Variants in AHNAK observed in about 807,000 individuals in gnomAD.
AHNAK encodes neuroblast differentiation-associated protein AHNAK.
AHNAK carries 23 observed loss-of-function variants against 37.8 expected under a neutral mutation model. The ratio of observed to expected loss-of-function variants is 0.61; its 90% CI spans 0.44 to 0.86. The LOEUF (loss-of-function observed/expected upper bound fraction) is 0.86, where lower values mean the gene tolerates loss of function less well. Ranked by LOEUF, AHNAK falls within the 40% of genes least tolerant of loss-of-function variation. The pLI is 0.00. For synonymous variants in AHNAK, 2,481 were observed against 2,636.3 expected, an observed-to-expected ratio of 0.94 and a Z score of 1.80; for missense variants, 7,411 against 7,319.4, an observed-to-expected ratio of 1.01 and a Z score of -0.46.
chr11:62,528,189 A>T lies in AHNAK; in HGVS notation c.6228T>A (p.Asp2076Glu). The change falls in exon 5 of 5, where the codon GAT becomes GAA. Residue 2076 changes from aspartate to glutamate, a missense_variant. Physicochemically the swap from Asp to Glu is conservative, Grantham distance 45 (BLOSUM62 2). Transcript: ENST00000378024. ...CCACCTTGGGTCCTGAGACAACAAC[A>T]TCAGCCTTGGGCAAGTTCACATCCA... ...PEVDVNLPKA[D>E]VVVSGPKVDV... The T allele has an allele frequency of 6.2e-7, 1 of 1,613,690 alleles. No individual in the cohort carries two copies. Among genetic ancestry groups the T allele is most frequent in the Non-Finnish European group, 8.5e-7 (1 of 1,179,908 alleles).
chr11:62,463,682 G>A (rs1049826179), intron 5 of AHNAK, among the ~76,000 whole-genome samples: 6 of 152,054 alleles, frequency 3.9e-5, no homozygotes, highest in African/African-American at 1.4e-4. Flanking sequence ...GGGTTCCTGG[G>A]GTATGGAACT....
In AHNAK at chr11:62,521,181, AC is replaced by A; in HGVS notation, c.13235del (p.Gly4412ValfsTer10). On this transcript the variant is annotated frameshift_variant, in exon 5 of 5. Transcript: ENST00000378024. LOFTEE classifies it low-confidence loss of function (END_TRUNC). ...DVDVSLPKVE[G>X]DLKGPEIDIK... ...TGTCAATTTCAGGGCCCTTGAGATC[AC>A]CTTCCACTTTGGGCAGAGAGACATC... 6.2e-7 allele frequency: 1 copy of A among 1,613,830 alleles called. No homozygotes were observed. The highest frequency in any genetic ancestry group is 2.2e-5 in the East Asian group (1 of 44,856).
At position 62,523,895 on chromosome 11, in the gene AHNAK, G is replaced by C; in HGVS notation, c.10522C>G (p.Pro3508Ala). ...TCTGGGCCCTCAATGTTCATACTTG[G>C]GCCCTCTATGTTGATGTCTCCTTTT... Reference protein sequence around the residue: ...LPKGDINIEGPSMNIEGPDLN... With the variant: ...LPKGDINIEGASMNIEGPDLN... Residue 3508 changes from proline to alanine, a missense_variant, in exon 5 of 5, where the codon CCA (proline) becomes GCA (alanine). Transcript: ENST00000378024. 6.2e-7 allele frequency: 1 copy of C among 1,614,002 alleles called. No individual in the cohort carries two copies. Among genetic ancestry groups the C allele is most frequent in the Non-Finnish European group, 8.5e-7 (1 of 1,180,002 alleles).
Position 62,530,630 on chromosome 11 carries a change from T to G in AHNAK, c.3787A>C (p.Ser1263Arg). 1 of 1,613,564 alleles carries G rather than the reference T, an allele frequency of 6.2e-7. No homozygotes were observed. Among genetic ancestry groups the G allele is most frequent in the Non-Finnish European group, 8.5e-7 (1 of 1,179,916 alleles). The change falls in exon 5 of 5, where the codon AGC becomes CGC. Residue 1263 changes from serine to arginine, a missense_variant. Ser to Arg is a moderately radical substitution (Grantham distance 110, BLOSUM62 -1). Transcript: ENST00000378024. ...KMPKMKMPKFSMPGFKGEGRE... is the reference protein window; with the variant it reads ...KMPKMKMPKFRMPGFKGEGRE... ...CCCTCTCCTTTGAAGCCAGGCATGC[T>G]AAACTTGGGCATTTTCATCTTGGGC...
At chr11:62,544,689 G>A (rs746633971) in intron 1 of AHNAK, among the ~76,000 whole-genome samples, 1 of 151,912 alleles carries the variant, frequency 6.6e-6, no homozygotes, top group Non-Finnish European at 1.5e-5. Flanking sequence ...GGGTGACCCC[G>A]CTGTCCCTAA....
chr11:62,515,431 C>T (rs184294436), downstream of AHNAK, among the ~76,000 whole-genome samples: 2 of 152,184 alleles, frequency 1.3e-5, no homozygotes, highest in Non-Finnish European at 2.9e-5. Flanking sequence ...GCAGGAAAAT[C>T]GCTTGAACCC....
rs912299139 is a variant in AHNAK, at chr11:62,526,699, T to A, written c.7718A>T (p.Asn2573Ile). 3.7e-6 allele frequency: 6 copies of A among 1,612,950 alleles called. No individual in the cohort carries two copies. Among genetic ancestry groups the A allele is most frequent in the Non-Finnish European group, 5.1e-6 (6 of 1,179,778 alleles). Residue 2573 changes from asparagine (N) to isoleucine (I), a missense_variant, in exon 5 of 5, where the codon AAC (asparagine) becomes ATC (isoleucine). Coordinates refer to ENST00000378024, the MANE Select transcript of AHNAK (RefSeq NM_001620.3). The part of the protein sequence containing the change: ...KGPKLKMPEM[N>I]IKAPKISMPD... ...CATGGAGATCTTGGGGGCTTTGATG[T>A]TCATCTCTGGCATCTTTAACTTAGG...
intron 5 of AHNAK, among the ~76,000 whole-genome samples, chr11:62,452,759 C>T (rs1345787672): frequency 6.6e-6 from 1 of 152,038 alleles, no homozygotes; most frequent in Admixed American, 6.6e-5. Context: ...CGGTGGCTTA[C>T]CGCACCTGTA....
chr11:62,544,971 G>C (rs949162412), intron 1 of AHNAK, among the ~76,000 whole-genome samples: 1 of 152,198 alleles, frequency 6.6e-6, no homozygotes, highest in Non-Finnish European at 1.5e-5. Flanking sequence ...CCTGCAATCC[G>C]AGGTTGGATT....
chr11:62,528,075 G>A lies in AHNAK; in HGVS notation c.6342C>T (p.Ala2114=), dbSNP rs747059963. 6 of 1,613,116 alleles carry A rather than the reference G, an allele frequency of 3.7e-6. No individual in the cohort carries two copies. Among genetic ancestry groups the A allele is most frequent in the Middle Eastern group, 1.7e-4 (1 of 6,058 alleles). ...CCACATCAGGCATGGAGATCTTGGG[G>A]GCCTTGAAGTGCATCTCAGGCATCT... ...KLKMPEMHFK[A]PKISMPDVDL... The change falls in exon 5 of 5, where the codon GCC becomes GCT. Residue 2114 remains alanine (A), a synonymous_variant. Coordinates refer to ENST00000378024, the MANE Select transcript of AHNAK (RefSeq NM_001620.3).
rs369154182 is a variant in AHNAK at position 62,523,963 on chromosome 11, G to A, written c.10454C>T (p.Ser3485Phe). Residue 3485 changes from serine (S) to phenylalanine (F), a missense_variant, in exon 5 of 5, where the codon TCT becomes TTT. Ser to Phe is a radical substitution (Grantham distance 155). Transcript: ENST00000378024. ...PKMKMPKFSV[S>F]GLKAEGPDVA... is the part of the protein sequence containing the mutation. The stretch of plus-strand genomic sequence containing the variant: ...ATCTGGCCCTTCTGCTTTTAAGCCA[G>A]ACACACTGAATTTGGGCATTTTCAT... 5 of 1,613,922 alleles carry A rather than the reference G, an allele frequency of 3.1e-6. No individual in the cohort carries two copies. In the East Asian group the frequency reaches 8.9e-5, roughly 29 times the overall value.
intron 4 of AHNAK, among the ~76,000 whole-genome samples, chr11:62,492,953 C>T (rs1335462560): frequency 2.0e-5 from 3 of 147,592 alleles, no homozygotes; most frequent in Admixed American, 1.3e-4. Flanking sequence ...TCGGGACCTT[C>T]AGTTTCAAAC....
At chr11:62,536,154 G>C in intron 2 of AHNAK, 56 bp from the exon 3 acceptor site, 3 of 1,493,660 alleles carry the variant, frequency 2.0e-6, no homozygotes, top group Non-Finnish European at 2.7e-6. Flanking sequence ...GGACATGAGG[G>C]CATGGGAAAG....
chr11:62,542,919 G>A (rs966742962), intron 1 of AHNAK, among the ~76,000 whole-genome samples: 13 of 152,274 alleles, frequency 8.5e-5, no homozygotes, highest in Admixed American at 5.2e-4. Flanking sequence ...ATCTGGGGAG[G>A]GCGCTGCTTG....
intron 5 of AHNAK, among the ~76,000 whole-genome samples, chr11:62,474,885 T>TCTGGCAACAGGTAGGGAGGATC (rs1393810605): frequency 1.3e-5 from 2 of 152,110 alleles, no homozygotes; most frequent in African/African-American, 4.8e-5. Context: ...GAAAGGAACA[T>TCTGGCAACAGGTAGGGAGGATC]CTGGCAACAG....
intron 5 of AHNAK, among the ~76,000 whole-genome samples, chr11:62,486,735 A>G (rs2428541): frequency 0.96 from 146,167 of 152,154 alleles, 70,414 homozygotes; most frequent in Admixed American, 0.98. Flanking sequence ...GGTCAATTTT[A>G]TGTTATGTCT....
chr11:62,479,680 A>G (rs1939226048), intron 5 of AHNAK, among the ~76,000 whole-genome samples: 1 of 152,028 alleles, frequency 6.6e-6, no homozygotes, highest in Admixed American at 6.6e-5. Context: ...CCATACAAGC[A>G]GCAGGTCTCC....
chr11:62,453,442 C>T (rs1483765009), intron 5 of AHNAK, among the ~76,000 whole-genome samples: 2 of 152,102 alleles, frequency 1.3e-5, no homozygotes, highest in Non-Finnish European at 2.9e-5. Flanking sequence ...TTATTGGGTA[C>T]TTACTGTGTG....
In AHNAK at chr11:62,525,753, T is replaced by C. The variant is rs1434719426; in HGVS notation, c.8664A>G (p.Pro2888=). 7 of 1,613,640 alleles carry C rather than the reference T, an allele frequency of 4.3e-6. No homozygotes were observed. Among genetic ancestry groups the C allele is most frequent in the Non-Finnish European group, 5.9e-6 (7 of 1,179,916 alleles). ...IDVPDVNVQG[P]DWHLKMPKMK... ...TCTTGGGCATCTTCAGGTGCCAGTC[T>C]GGACCCTGAACATTAACATCTGGGA... Residue 2888 remains proline, a synonymous_variant, in exon 5 of 5, where the codon CCA becomes CCG. Coordinates refer to ENST00000378024, the MANE Select transcript of AHNAK (RefSeq NM_001620.3).
Sources: allele counts gnomAD v4.1 joint callset (sites outside exome capture counted in the v4.1 genomes callset), GRCh38; gene constraint gnomAD v4.1.1; transcripts MANE v1.5; gene names NCBI Gene and HGNC (gene_info 2026-07-23, HGNC 2026-07-21).